The following COG6 variants were observed in gnomAD, a reference collection of about 807,000 sequenced individuals.
The protein encoded by COG6 is conserved oligomeric Golgi complex subunit 6.
In COG6, 74 loss-of-function variants were observed where a neutral mutation model predicts 88.8. The ratio of observed to expected loss-of-function variants is 0.83; its 90% confidence interval spans 0.69 to 1.01. The LOEUF (loss-of-function observed/expected upper bound fraction) is 1.01, where lower values mean the gene tolerates loss of function less well. COG6 is among the 50% of genes least tolerant of loss of function. The probability of loss-of-function intolerance (pLI) is 0.00; values close to 1 mark genes in which losing one functional copy is unlikely to be tolerated. For missense variants in COG6, 800 were observed against 797.9 expected, an observed-to-expected ratio of 1.00 and a Z score of -0.03; for synonymous variants, 286 against 278.7, an observed-to-expected ratio of 1.03 and a Z score of -0.26.
intron 18 of COG6, among the ~76,000 whole-genome samples, chr13:39,761,260 T>G (rs1211798532): frequency 1.3e-5 from 2 of 152,070 alleles, no homozygotes; most frequent in Non-Finnish European, 2.9e-5. Flanking sequence ...GTTCTTGTTT[T>G]GTAAATGATA....
chr13:39,727,015 G>A (rs1440760104), intron 17 of COG6, among the ~76,000 whole-genome samples: 1 of 151,940 alleles, frequency 6.6e-6, no homozygotes, highest in Non-Finnish European at 1.5e-5. Flanking sequence ...TAAGCTCTGT[G>A]AAGCTAGGGA....
chr13:39,672,259 TTTTG>T (rs776294269), intron 4 of COG6, among the ~76,000 whole-genome samples: 8 of 152,040 alleles, frequency 5.3e-5, no homozygotes, highest in Non-Finnish European at 1.0e-4. Flanking sequence ...GTAGATCCTT[TTTTG>T]TTTATTATAA....
chr13:39,720,991 C>T (rs1241682804), intron 15 of COG6, among the ~76,000 whole-genome samples: 1 of 151,934 alleles, frequency 6.6e-6, no homozygotes, highest in African/African-American at 2.4e-5. Context: ...ACTATGTAAA[C>T]ATTATTGGTG....
At chr13:39,728,588 A>G (rs567622623) in intron 18 of COG6, among the ~76,000 whole-genome samples, 1 of 151,836 alleles carries the variant, frequency 6.6e-6, no homozygotes, top group Non-Finnish European at 1.5e-5. Context: ...AAAAGATATT[A>G]TACTATTTAC....
At chr13:39,755,364 G>A (rs918002440), downstream of COG6, among the ~76,000 whole-genome samples, 6 of 152,056 alleles carry the variant, frequency 3.9e-5, no homozygotes, top group Non-Finnish European at 4.4e-5. Context: ...TGATCTGTCT[G>A]ATAGCTCCCA....
At chr13:39,677,368 C>A in intron 4 of COG6, 100 bp from the exon 5 acceptor site, 1 of 735,174 alleles carries the variant, frequency 1.4e-6, no homozygotes. Context: ...CTTTTCATAC[C>A]TTTGTTTTAA....
intron 18 of COG6, among the ~76,000 whole-genome samples, chr13:39,762,311 A>G (rs1389272790): frequency 3.3e-5 from 5 of 152,054 alleles, no homozygotes; most frequent in African/African-American, 1.2e-4. Flanking sequence ...AGATAAAAAC[A>G]TTGATCTCAT....
At position 39,718,858 on chromosome 13, in the gene COG6, A is replaced by G. The variant is rs548443989; in HGVS notation, c.1285-378A>G. The stretch of plus-strand genomic sequence containing the variant: ...GCCTGAGAGTAGGTGACGTTTCTCA[A>G]TTATATTATAGTTGGAATAGTGCTG... On this transcript the variant is annotated intron_variant, in intron 13 of 18. Transcript: ENST00000455146. 2.0e-5 allele frequency among the ~76,000 whole-genome samples: 3 copies of G among 152,196 alleles called. No homozygotes were observed. In the South Asian group the frequency reaches 6.2e-4, roughly 32 times the overall value.
intron 12 of COG6, among the ~76,000 whole-genome samples, chr13:39,695,023 G>A (rs1593431759): frequency 6.7e-6 from 1 of 149,568 alleles, no homozygotes; most frequent in East Asian, 2.0e-4. Context: ...TATAATGTAA[G>A]TCTTTATTGA....
In COG6 at chr13:39,699,155, A is replaced by G. The variant is rs945328474; in HGVS notation, c.1167-346A>G. Among the ~76,000 whole-genome samples the G allele has an allele frequency of 2.0e-5, 3 of 151,802 alleles. No homozygotes were observed. The East Asian group carries it at 5.8e-4, about 29-fold the overall frequency. On this transcript the variant is annotated intron_variant, in intron 12 of 18. Coordinates refer to ENST00000455146, the MANE Select transcript of COG6 (RefSeq NM_020751.3). ...GATTCAGTGCTCTTCTTAAAATTAA[A>G]ATTAACTGTCTTAGATAATTGAGAT...
chr13:39,746,887 G>C (rs1008989184), intron 18 of COG6, among the ~76,000 whole-genome samples: 2 of 152,022 alleles, frequency 1.3e-5, no homozygotes, highest in Non-Finnish European at 2.9e-5. Context: ...CATATTTTGG[G>C]AAACTTAGTT....
intron 18 of COG6, among the ~76,000 whole-genome samples, chr13:39,763,410 G>A (rs754858803): frequency 5.3e-5 from 8 of 151,700 alleles, no homozygotes; most frequent in Non-Finnish European, 8.9e-5. Flanking sequence ...GGTCACCCTT[G>A]TCTTTTTCCA....
chr13:39,739,540 T>TA (rs1269570456), intron 18 of COG6, among the ~76,000 whole-genome samples: 1 of 151,996 alleles, frequency 6.6e-6, no homozygotes, highest in Non-Finnish European at 1.5e-5. Flanking sequence ...AAAAATCATT[T>TA]AAAAAAATCA....
intron 12 of COG6, among the ~76,000 whole-genome samples, chr13:39,695,956 T>C (rs1877248780): frequency 6.6e-6 from 1 of 151,946 alleles, no homozygotes; most frequent in Non-Finnish European, 1.5e-5. Context: ...GGTAAAATAA[T>C]TTTTAAAATT....
At chr13:39,656,212 G>T in intron 1 of COG6, 1 of 513,754 alleles carries the variant, frequency 1.9e-6, no homozygotes, top group Admixed American at 2.3e-5. Flanking sequence ...TGTGAGCTGG[G>T]AGAGTGGAGG....
chr13:39,752,316 A>G lies in COG6; in HGVS notation c.*1223A>G. ...TATGTGTTGTATATAACAAATTAGT[A>G]TTTATAGAATATGACCTATTTATCT... is the stretch of plus-strand genomic sequence containing the variant. On this transcript the variant is annotated 3_prime_UTR_variant, in exon 19 of 19. Coordinates refer to ENST00000455146, the MANE Select transcript of COG6 (RefSeq NM_020751.3). 1.2e-6 allele frequency: 1 copy of G among 830,944 alleles called. No homozygotes were observed. The highest frequency in any genetic ancestry group is 1.7e-6 in the Non-Finnish European group (1 of 605,168). 51.5% of individuals were successfully genotyped at this position (830,944 alleles called of 1,614,324 possible). A position where few individuals can be genotyped will look rare whatever the true frequency, so the allele number is the denominator to read the frequency against.
At chr13:39,658,634 C>A (rs1000486912) in intron 1 of COG6, among the ~76,000 whole-genome samples, 1 of 152,136 alleles carries the variant, frequency 6.6e-6, no homozygotes, top group Non-Finnish European at 1.5e-5. Context: ...TGCCTAAAAT[C>A]GTAATAATTT....
At position 39,659,440 on chromosome 13, in the gene COG6, G is replaced by A. The variant is rs773250263; in HGVS notation, c.230G>A (p.Gly77Glu). The A allele has an allele frequency of 6.2e-7, 1 of 1,613,240 alleles. No individual in the cohort carries two copies. Among genetic ancestry groups the A allele is most frequent in the Non-Finnish European group, 8.5e-7 (1 of 1,179,398 alleles). The change falls in exon 2 of 19, where the codon GGA becomes GAA. Residue 77 changes from glycine to glutamate, a missense_variant. By Grantham distance (98) the Gly-to-Glu change is moderately conservative (BLOSUM62 -2). Coordinates refer to ENST00000455146, the MANE Select transcript of COG6 (RefSeq NM_020751.3). ...CTGCGGACTCGAAGAAATTTACGTG[G>A]AGATATTGAACGTAAAAGTTTAGCC... Reference protein sequence around the residue: ...NSLRTRRNLRGDIERKSLAIN... With the variant: ...NSLRTRRNLREDIERKSLAIN...
chr13:39,780,728 G>C (rs1263391626), intron 18 of COG6, among the ~76,000 whole-genome samples: 1 of 152,092 alleles, frequency 6.6e-6, no homozygotes. Flanking sequence ...CCTTCAGAAT[G>C]GAATATGAGC....
Sources: allele counts gnomAD v4.1 joint callset (sites outside exome capture counted in the v4.1 genomes callset), GRCh38; gene constraint gnomAD v4.1.1; transcripts MANE v1.5; gene names NCBI Gene and HGNC (gene_info 2026-07-23, HGNC 2026-07-21).